ACO2: variants seen among roughly 807,000 people sequenced by gnomAD.
ACO2 encodes aconitate hydratase, mitochondrial.
In ACO2, 31 loss-of-function variants were observed where a neutral mutation model predicts 84.5. The observed-to-expected ratio is 0.37, with a 90% CI of 0.28 to 0.50. The LOEUF (loss-of-function observed/expected upper bound fraction) is 0.50, where lower values mean the gene tolerates loss of function less well. Ranked by LOEUF, ACO2 falls within the 20% of genes least tolerant of loss-of-function variation. The pLI, the probability that ACO2 is intolerant of heterozygous loss-of-function variation, is 0.97. For missense variants in ACO2, 685 were observed against 1,029.3 expected (o/e 0.67, Z 4.58); for synonymous variants, 414 against 412.7 (o/e 1.00, Z -0.04).
intron 9 of ACO2, among the ~76,000 whole-genome samples, chr22:41,520,817 G>C (rs1028549380): frequency 1.3e-5 from 2 of 151,302 alleles, no homozygotes; most frequent in African/African-American, 2.4e-5. Context: ...ACTCCAGCCT[G>C]GGTGACAGAG....
At chr22:41,526,029 A>C (rs1012838229) in intron 14 of ACO2, 10 of 480,982 alleles carry the variant, frequency 2.1e-5, no homozygotes, top group African/African-American at 1.7e-4. Context: ...TCTGCCCCAT[A>C]AGGGAGACTG....
intron 1 of ACO2, among the ~76,000 whole-genome samples, chr22:41,475,514 A>G (rs1385132325): frequency 3.3e-5 from 5 of 151,966 alleles, no homozygotes; most frequent in Admixed American, 6.6e-5. Flanking sequence ...TTTTCCCAGC[A>G]CCTGGTTTGG....
chr22:41,479,068 G>T (rs1428777696), intron 1 of ACO2, among the ~76,000 whole-genome samples: 1 of 152,178 alleles, frequency 6.6e-6, no homozygotes, highest in African/African-American at 2.4e-5. Context: ...TAAGACAAGG[G>T]CCCTGTCTGT....
chr22:41,522,378 T>C lies in ACO2; in HGVS notation c.1139-452T>C, dbSNP rs370402264. ...GAGACTGTCTAGACAGAAAGTGCGA[T>C]GTTATTCAGGTTTTATAGACTTTTT... On this transcript the variant is annotated intron_variant, in intron 9 of 17. Transcript: ENST00000216254. Among the ~76,000 whole-genome samples, 6 of 152,324 alleles carry C rather than the reference T, an allele frequency of 3.9e-5. No individual in the cohort carries two copies. In the South Asian group the frequency reaches 8.3e-4, roughly 21 times the overall value.
At chr22:41,482,222 C>T (rs1243980988) in intron 1 of ACO2, among the ~76,000 whole-genome samples, 1 of 152,224 alleles carries the variant, frequency 6.6e-6, no homozygotes, top group Non-Finnish European at 1.5e-5. Flanking sequence ...CTAGACTCAG[C>T]AAAGGCACTT....
intron 1 of ACO2, among the ~76,000 whole-genome samples, chr22:41,491,714 CT>C (rs2066273053): frequency 1.3e-5 from 2 of 152,176 alleles, no homozygotes; most frequent in South Asian, 4.1e-4. Context: ...ATGTGGAGTG[CT>C]TTTATTATGA....
At chr22:41,479,199 C>G (rs896181884) in intron 1 of ACO2, among the ~76,000 whole-genome samples, 12 of 152,128 alleles carry the variant, frequency 7.9e-5, no homozygotes, top group African/African-American at 2.7e-4. Context: ...AGCCACCCGT[C>G]CTGGAACATG....
At chr22:41,482,697 G>C (rs773667485) in intron 1 of ACO2, among the ~76,000 whole-genome samples, 1 of 152,216 alleles carries the variant, frequency 6.6e-6, no homozygotes, top group South Asian at 2.1e-4. Context: ...GATAGGACTA[G>C]GAAGTTAGGC....
rs1476492162 is a variant in ACO2 at position 41,522,851 on chromosome 22, A to G, written c.1160A>G (p.Asn387Ser). 1.9e-6 allele frequency: 3 copies of G among 1,614,068 alleles called. No homozygotes were observed. Among genetic ancestry groups the G allele is most frequent in the African/African-American group, 2.7e-5 (2 of 74,936 alleles). ...CCAGGTCTAATTGGTAGCTGCACCA[A>G]TTCAAGCTATGAAGATATGGGGCGC... Reference protein sequence around the residue: ...IRVGLIGSCTNSSYEDMGRSA... With the variant: ...IRVGLIGSCTSSSYEDMGRSA... The change falls in exon 10 of 18, where the codon AAT (asparagine) becomes AGT (serine). Residue 387 changes from asparagine to serine, a missense_variant. Asn to Ser is a conservative substitution (Grantham distance 46). Around this residue, in one of 5 missense-constraint regions of ACO2, gnomAD observed 311 missense variants for 441.6 expected, o/e 0.70. Coordinates refer to ENST00000216254, the MANE Select transcript of ACO2 (RefSeq NM_001098.3).
intron 1 of ACO2, among the ~76,000 whole-genome samples, chr22:41,496,851 G>A: frequency 6.6e-6 from 1 of 152,136 alleles, no homozygotes; most frequent in South Asian, 2.1e-4. Flanking sequence ...AATGTGGCCT[G>A]TTCTTACTGC....
At chr22:41,488,507 A>G (rs1467579697) in intron 1 of ACO2, among the ~76,000 whole-genome samples, 1 of 152,238 alleles carries the variant, frequency 6.6e-6, no homozygotes, top group Non-Finnish European at 1.5e-5. Flanking sequence ...TACAGGGATC[A>G]TTCTCCCTGT....
At position 41,528,879 on chromosome 22, in the gene ACO2, C is replaced by T. The variant is rs558513953; in HGVS notation, c.*266C>T. ...TATTTATTTTTGATGACAAGACTCCCATCTAAAGTTTTTCTCCTGCCTGAT... is the reference window on the plus strand; with the variant it reads ...TATTTATTTTTGATGACAAGACTCCTATCTAAAGTTTTTCTCCTGCCTGAT... On this transcript the variant is annotated 3_prime_UTR_variant, in exon 18 of 18. Coordinates refer to ENST00000216254, the MANE Select transcript of ACO2 (RefSeq NM_001098.3). The T allele has an allele frequency of 1.1e-5, 6 of 525,842 alleles. No homozygotes were observed. In the East Asian group the frequency reaches 2.0e-4, roughly 17 times the overall value. The allele number at this position is 525,842 out of a possible 1,614,324, so 32.6% of individuals were successfully genotyped here.
At chr22:41,504,702 C>A (rs979209529) in intron 2 of ACO2, among the ~76,000 whole-genome samples, 3 of 142,316 alleles carry the variant, frequency 2.1e-5, no homozygotes, top group Non-Finnish European at 4.5e-5. Context: ...AGATCCAGCA[C>A]CTTAGGGACT....
chr22:41,526,653 C>T (rs762403516), intron 15 of ACO2, 200 bp downstream of exon 15: 7 of 523,038 alleles, frequency 1.3e-5, no homozygotes, highest in Admixed American at 1.0e-4. Flanking sequence ...GTGGTACAGC[C>T]GGGTCCCTGC....
chr22:41,512,828 C>T (rs909661423), intron 4 of ACO2, among the ~76,000 whole-genome samples: 1 of 152,150 alleles, frequency 6.6e-6, no homozygotes, highest in Non-Finnish European at 1.5e-5. Flanking sequence ...TCCAAGGGCA[C>T]TGTTAGGGAC....
At chr22:41,512,967 G>A (rs2066445708) in intron 4 of ACO2, among the ~76,000 whole-genome samples, 1 of 152,148 alleles carries the variant, frequency 6.6e-6, no homozygotes, top group Non-Finnish European at 1.5e-5. Flanking sequence ...CTCAGGATGT[G>A]CTGAGTCAGG....
At chr22:41,508,802 C>T (rs934648123) in intron 3 of ACO2, among the ~76,000 whole-genome samples, 1 of 152,204 alleles carries the variant, frequency 6.6e-6, no homozygotes, top group South Asian at 2.1e-4. Context: ...CCCCACTCTC[C>T]AGCCCCTGCA....
intron 4 of ACO2, among the ~76,000 whole-genome samples, chr22:41,514,809 A>G (rs1467672208): frequency 2.0e-5 from 3 of 152,346 alleles, no homozygotes; most frequent in East Asian, 1.9e-4. Flanking sequence ...AGCAAGTCAC[A>G]TGGGTTCTCA....
rs746099938 is a variant in ACO2 at position 41,469,144 on chromosome 22, A to G, written c.-3A>G. On this transcript the variant is annotated 5_prime_UTR_variant, in exon 1 of 18. Transcript: ENST00000216254. ...TGCGACCTCATCTTTGTCAGTGCAC[A>G]AAATGGCGCCCTACAGCCTACTGGT... The G allele has an allele frequency of 5.0e-6, 8 of 1,608,942 alleles. No homozygotes were observed. The Admixed American group carries it at 5.1e-5, about 10-fold the overall frequency.
Sources: gnomAD v4.1 joint callset for allele counts (sites outside exome capture counted in the v4.1 genomes callset) on GRCh38, gnomAD v4.1.1 for gene constraint, gnomAD v4.1.1 regional missense constraint, MANE v1.5 for transcripts, NCBI Gene and HGNC (gene_info 2026-07-23, HGNC 2026-07-21) for gene names.